EXD3: variants seen among roughly 807,000 people sequenced by gnomAD.
EXD3 encodes the protein exonuclease 3'-5' domain containing 3.
Under a neutral mutation model 98.0 loss-of-function variants are expected in EXD3, and 92 were observed. The ratio of observed to expected loss-of-function variants is 0.94; its 90% CI spans 0.79 to 1.12. EXD3 has a LOEUF of 1.12. Among genes scored for constraint, EXD3 ranks in the 50% most tolerant of loss-of-function variants. EXD3 has a pLI of 0.00. For missense variants in EXD3, 1,222 were observed against 1,191.6 expected (o/e 1.03, Z -0.38); for synonymous variants, 569 against 526.0 (o/e 1.08, Z -1.12).
intron 10 of EXD3, 87 bp downstream of exon 10, chr9:137,354,252 C>T (rs1834485329): frequency 1.3e-6 from 2 of 1,557,766 alleles, no homozygotes; most frequent in Non-Finnish European, 1.7e-6. Flanking sequence ...CAGCTCTGCG[C>T]ACTTCCACCA....
intron 1 of EXD3, among the ~76,000 whole-genome samples, chr9:137,398,609 T>A (rs112918706): frequency 0.021 from 631 of 29,790 alleles, no homozygotes; most frequent in Middle Eastern, 0.088. Context: ...CAAGACACAC[T>A]GGCACCCGCG....
intron 1 of EXD3, among the ~76,000 whole-genome samples, chr9:137,410,600 G>C (rs1223551697): frequency 2.0e-5 from 3 of 152,128 alleles, no homozygotes; most frequent in African/African-American, 4.8e-5. Flanking sequence ...CAGAACGTTG[G>C]GTTCTGAGAA....
intron 5 of EXD3, among the ~76,000 whole-genome samples, chr9:137,370,624 A>C (rs1835541056): frequency 6.6e-6 from 1 of 151,094 alleles, no homozygotes; most frequent in Non-Finnish European, 1.5e-5. Flanking sequence ...AAAAAAAGAA[A>C]ATCAGGAGGG....
rs1396924393 is a variant in EXD3 at position 137,324,200 on chromosome 9, G to T, written c.1999-57C>A. On this transcript the variant is annotated intron_variant, in intron 17 of 21. Transcript: ENST00000340951. The surrounding 1 kb of genome is among the most constrained non-coding windows in gnomAD (Gnocchi z 4.1). ...GGGCAGCTCCGTGCTCCTGGACTGG[G>T]CCACCTCTGCTCGCCACCCCCTAGC... is the stretch of plus-strand genomic sequence containing the variant. 1.4e-6 allele frequency: 2 copies of T among 1,452,108 alleles called. No individual in the cohort carries two copies. Among genetic ancestry groups the T allele is most frequent in the Non-Finnish European group, 1.9e-6 (2 of 1,059,224 alleles). 90.0% of individuals were successfully genotyped at this position (1,452,108 alleles called of 1,614,324 possible). A position where few individuals can be genotyped will look rare whatever the true frequency, so the allele number is the denominator to read the frequency against.
intron 1 of EXD3, among the ~76,000 whole-genome samples, chr9:137,414,109 G>A (rs570943612): frequency 2.6e-5 from 4 of 152,054 alleles, no homozygotes; most frequent in Non-Finnish European, 5.9e-5. Flanking sequence ...TAGAGACGGG[G>A]TTTCACTGTG....
intron 7 of EXD3, among the ~76,000 whole-genome samples, chr9:137,358,676 A>G (rs923919805): frequency 1.3e-5 from 2 of 152,124 alleles, no homozygotes; most frequent in Non-Finnish European, 2.9e-5. Flanking sequence ...ACTCCTACTT[A>G]AAACTTTTTT....
chr9:137,348,124 C>G lies in EXD3; in HGVS notation c.1945G>C (p.Gly649Arg), dbSNP rs367737146. The G allele has an allele frequency of 1.9e-6, 3 of 1,612,108 alleles. No individual in the cohort carries two copies. Among genetic ancestry groups the G allele is most frequent in the Non-Finnish European group, 2.5e-6 (3 of 1,179,740 alleles). Residue 649 changes from glycine to arginine, a missense_variant, in exon 17 of 22, where the codon GGT becomes CGT. Physicochemically the swap from Gly to Arg is moderately radical, Grantham distance 125 (BLOSUM62 -2). Transcript: ENST00000340951. ...TTGCCCAGCATGCGTGCATCCACAC[C>G]GAGACAGCGGAGGCTCCGTGCCAGC... ...QGLARSLRCL[G>R]VDARMLGNGE...
intron 7 of EXD3, chr9:137,357,395 A>G (rs370185345): frequency 4.6e-5 from 7 of 152,288 alleles, no homozygotes; most frequent in African/African-American, 1.7e-4. Flanking sequence ...CCTTCTTGAC[A>G]GAATCTCCAA....
chr9:137,312,308 C>T (rs976256366), intron 19 of EXD3, among the ~76,000 whole-genome samples: 1 of 152,156 alleles, frequency 6.6e-6, no homozygotes, highest in African/African-American at 2.4e-5. Context: ...TGGGAGGGCC[C>T]AGGTGAATGG....
chr9:137,406,509 G>C (rs565469394), intron 1 of EXD3, among the ~76,000 whole-genome samples: 5 of 151,900 alleles, frequency 3.3e-5, no homozygotes, highest in South Asian at 4.1e-4. Context: ...CGGCAGAGGC[G>C]ACGGCTGCTC....
At chr9:137,388,236 G>T (rs1219028776) in intron 2 of EXD3, among the ~76,000 whole-genome samples, 1 of 152,152 alleles carries the variant, frequency 6.6e-6, no homozygotes, top group Non-Finnish European at 1.5e-5. Flanking sequence ...AAACGTGCCT[G>T]GGAGGGCTCA....
intron 3 of EXD3, chr9:137,377,413 C>G (rs1373244857): frequency 6.7e-6 from 1 of 149,140 alleles, no homozygotes; most frequent in Non-Finnish European, 1.5e-5. Context: ...CCATTGCACT[C>G]CAGCCTGGGT....
intron 19 of EXD3, among the ~76,000 whole-genome samples, chr9:137,321,761 T>C (rs1588240341): frequency 1.3e-5 from 2 of 152,166 alleles, no homozygotes; most frequent in Admixed American, 6.5e-5. Context: ...AATATTGATG[T>C]GGCCCTAACT....
chr9:137,382,039 G>C (rs28469425), intron 3 of EXD3, among the ~76,000 whole-genome samples: 5,259 of 118,034 alleles, frequency 0.045, 66 homozygotes, highest in African/African-American at 0.069. Context: ...TGAGGGCGCG[G>C]GGAGGAGGTG....
chr9:137,391,562 C>A (rs7467640), intron 2 of EXD3, among the ~76,000 whole-genome samples: 27,616 of 148,432 alleles, frequency 0.19, 3,124 homozygotes, highest in African/African-American at 0.32. Flanking sequence ...GGGCCGGCCT[C>A]CCCGCCCCAC....
intron 17 of EXD3, among the ~76,000 whole-genome samples, chr9:137,334,964 C>A (rs1322029438): frequency 2.6e-5 from 4 of 151,924 alleles, no homozygotes; most frequent in Admixed American, 2.6e-4. Context: ...GTAGTCCCAG[C>A]TACTCGGGAG....
chr9:137,382,186 G>GCGTGGAGGAGGTGAGGGCT, intron 3 of EXD3, among the ~76,000 whole-genome samples: 1 of 150,802 alleles, frequency 6.6e-6, no homozygotes, highest in Admixed American at 6.6e-5. Flanking sequence ...AGGTGAGGGC[G>GCGTGGAGGAGGTGAGGGCT]CGCGGAGGAG....
rs1156730215 is a variant in EXD3, at chr9:137,403,620, CTTT to C, written c.-47-8219_-47-8217del. On this transcript the variant is annotated intron_variant, in intron 1 of 21. Transcript: ENST00000340951. This position sits in a 1 kb window ranked among gnomAD's most constrained non-coding sequence, Gnocchi z 6.1. ...TCTCTTTGCCCCTAAGGGGTTTTGC[CTTT>C]TTAATTCTTTTGCTGTCACCTTAAT... Among the ~76,000 whole-genome samples the C allele has an allele frequency of 6.6e-6, 1 of 152,050 alleles. No individual in the cohort carries two copies. The highest frequency in any genetic ancestry group is 2.4e-5 in the African/African-American group (1 of 41,416).
intron 12 of EXD3, among the ~76,000 whole-genome samples, 151 bp from the exon 13 acceptor site, chr9:137,351,679 C>T (rs1388184243): frequency 6.6e-6 from 1 of 152,178 alleles, no homozygotes; most frequent in African/African-American, 2.4e-5. Flanking sequence ...CTGTTGGGGG[C>T]ACTAAGGCCT....
Sources: gnomAD v4.1 joint callset for allele counts (sites outside exome capture counted in the v4.1 genomes callset) on GRCh38, gnomAD v4.1.1 for gene constraint, Gnocchi (gnomAD v3.1) non-coding constraint, MANE v1.5 for transcripts, NCBI Gene and HGNC (gene_info 2026-07-23, HGNC 2026-07-21) for gene names.